Variants in SYNE2 observed in about 807,000 individuals in gnomAD.
SYNE2 encodes spectrin repeat containing nuclear envelope protein 2, also known as nesprin-2.
In SYNE2, 431 loss-of-function variants were observed where a neutral mutation model predicts 856.3. The observed-to-expected ratio is 0.50, with a 90% confidence interval of 0.47 to 0.55. The LOEUF (loss-of-function observed/expected upper bound fraction) is 0.55, where lower values mean the gene tolerates loss of function less well. Ranked by LOEUF, SYNE2 falls within the 20% of genes least tolerant of loss-of-function variation. The probability of loss-of-function intolerance (pLI) is 0.00; values close to 1 mark genes in which losing one functional copy is unlikely to be tolerated. For synonymous variants in SYNE2, 2,923 were observed against 2,872.3 expected, an observed-to-expected ratio of 1.02 and a Z score of -0.56; for missense variants, 8,129 against 8,023.2, an observed-to-expected ratio of 1.01 and a Z score of -0.50.
chr14:64,159,473 A>G (rs763227770), intron 87 of SYNE2, 31 bp downstream of exon 87: 36 of 1,609,864 alleles, frequency 2.2e-5, no homozygotes, highest in South Asian at 1.9e-4. Flanking sequence ...TGAATGATAG[A>G]TATCTTTATC....
At chr14:63,959,847 A>C (rs563637579) in intron 8 of SYNE2, among the ~76,000 whole-genome samples, 1 of 152,048 alleles carries the variant, frequency 6.6e-6, no homozygotes, top group Non-Finnish European at 1.5e-5. Flanking sequence ...TATTATTAGT[A>C]TAAAATATTT....
At position 63,996,937 on chromosome 14, in the gene SYNE2, C is replaced by A. The variant is rs781126209; in HGVS notation, c.2941-10C>A. The stretch of plus-strand genomic sequence containing the variant: ...CAGAAGCACATTTCCTGCTTTATTT[C>A]TTCAATTAGGCCTGCTTTTCTGAGG... On this transcript the variant is annotated splice_polypyrimidine_tract_variant and intron_variant, in intron 23 of 115. Coordinates refer to ENST00000555002, the MANE Select transcript of SYNE2 (RefSeq NM_182914.3). The A allele has an allele frequency of 6.2e-6, 10 of 1,613,334 alleles. No individual in the cohort carries two copies. The highest frequency in any genetic ancestry group is 2.2e-5 in the South Asian group (2 of 91,004).
At chr14:64,170,854 A>G (rs895333889) in intron 94 of SYNE2, among the ~76,000 whole-genome samples, 1 of 152,200 alleles carries the variant, frequency 6.6e-6, no homozygotes, top group Non-Finnish European at 1.5e-5. Context: ...GGCAAATTCA[A>G]TGGGTACAAA....
At chr14:63,987,188 G>A (rs576205569) in intron 19 of SYNE2, among the ~76,000 whole-genome samples, 5 of 152,018 alleles carry the variant, frequency 3.3e-5, no homozygotes, top group South Asian at 4.1e-4. Context: ...CCCAGGAGGC[G>A]GAGGTTGCAG....
At chr14:64,042,230 A>G (rs2097154416) in intron 45 of SYNE2, among the ~76,000 whole-genome samples, 2 of 152,358 alleles carry the variant, frequency 1.3e-5, no homozygotes, top group South Asian at 4.1e-4. Flanking sequence ...ATGACATGAT[A>G]CATCCATGAT....
In SYNE2 at chr14:64,009,346, G is replaced by T. The variant is rs193153552; in HGVS notation, c.4578-620G>T. On this transcript the variant is annotated intron_variant, in intron 31 of 115. Transcript: ENST00000555002. ...AGGTCAGGAGTTCACGACCAGCCCG[G>T]CCAACATGATGAAACCCCTTCTCTA... is the stretch of plus-strand genomic sequence containing the variant. 1.6e-4 allele frequency among the ~76,000 whole-genome samples: 25 copies of T among 152,126 alleles called. No individual in the cohort carries two copies. In the East Asian group the frequency reaches 4.8e-3, roughly 30 times the overall value.
At chr14:63,851,793 AAAGTT>A (rs1406671947), upstream of SYNE2, among the ~76,000 whole-genome samples, 1 of 151,806 alleles carries the variant, frequency 6.6e-6, no homozygotes, top group Non-Finnish European at 1.5e-5. Context: ...AGTTTTAAGA[AAAGTT>A]AAGGCCGGTT....
At chr14:64,156,912 G>A (rs1464802279) in intron 85 of SYNE2, among the ~76,000 whole-genome samples, 2 of 152,204 alleles carry the variant, frequency 1.3e-5, no homozygotes, top group Non-Finnish European at 2.9e-5. Flanking sequence ...GGCAGAGATT[G>A]AGGAGCCTCC....
intron 1 of SYNE2, among the ~76,000 whole-genome samples, chr14:63,791,110 A>G (rs891201166): frequency 4.6e-5 from 7 of 152,108 alleles, no homozygotes; most frequent in African/African-American, 1.7e-4. Flanking sequence ...AATGCCTGCC[A>G]CCACACCCAG....
chr14:64,143,732 C>G lies in SYNE2; in HGVS notation c.15307-40C>G, dbSNP rs907815067. On this transcript the variant is annotated intron_variant, in intron 82 of 115. Coordinates refer to ENST00000555002, the MANE Select transcript of SYNE2 (RefSeq NM_182914.3). ...AGGGAAATCCATTTGATCTGACCAA[C>G]ATTCATGACTGCTTTGGTGTTTAAC... 1.9e-6 allele frequency: 3 copies of G among 1,609,020 alleles called. No individual in the cohort carries two copies. The East Asian group carries it at 6.7e-5, about 36-fold the overall frequency.
chr14:64,142,169 A>G, intron 82 of SYNE2, 81 bp downstream of exon 82: 1 of 1,523,964 alleles, frequency 6.6e-7, no homozygotes, highest in South Asian at 1.2e-5. Flanking sequence ...AAAGGGACAC[A>G]TAGGATATAA....
chr14:63,921,699 T>C (rs967030792), intron 2 of SYNE2, among the ~76,000 whole-genome samples: 1 of 152,214 alleles, frequency 6.6e-6, no homozygotes, highest in Admixed American at 6.5e-5. Context: ...GCCCGAAATA[T>C]ATAAGTGGCC....
chr14:64,090,158 C>A (rs2097597546), intron 59 of SYNE2, among the ~76,000 whole-genome samples: 1 of 152,120 alleles, frequency 6.6e-6, no homozygotes, highest in African/African-American at 2.4e-5. Context: ...TGATTGAGAG[C>A]ATGTGGTTTA....
intron 110 of SYNE2, among the ~76,000 whole-genome samples, chr14:64,219,632 G>T (rs1171738943): frequency 6.6e-6 from 1 of 152,190 alleles, no homozygotes; most frequent in Non-Finnish European, 1.5e-5. Flanking sequence ...TGATCCCAGA[G>T]TACTGGGGAG....
chr14:64,196,734 A>G (rs2098542310), intron 99 of SYNE2: 1 of 152,250 alleles, frequency 6.6e-6, no homozygotes, highest in African/African-American at 2.4e-5. Context: ...AATAACCCAT[A>G]GCCAAGATAA....
chr14:63,767,811 A>C (rs573401018), intron 1 of SYNE2, among the ~76,000 whole-genome samples: 1 of 152,312 alleles, frequency 6.6e-6, no homozygotes, highest in Admixed American at 6.5e-5. Context: ...CCACTATTTG[A>C]ATTAATAAAA....
chr14:64,010,332 G>T (rs957067636), intron 32 of SYNE2, among the ~76,000 whole-genome samples: 1 of 152,158 alleles, frequency 6.6e-6, no homozygotes, highest in African/African-American at 2.4e-5. Flanking sequence ...TTCTGTTTGG[G>T]TTTTGATGCT....
chr14:64,164,130 T>A (rs929307793), intron 89 of SYNE2, among the ~76,000 whole-genome samples: 6 of 109,102 alleles, frequency 5.5e-5, no homozygotes, highest in Admixed American at 5.3e-4. Context: ...TTATTTATTT[T>A]GAGATGTCTC....
At chr14:63,984,421 T>C (rs1158094548) in intron 18 of SYNE2, among the ~76,000 whole-genome samples, 2 of 152,226 alleles carry the variant, frequency 1.3e-5, no homozygotes, top group African/African-American at 4.8e-5. Context: ...AGAGCAGTCC[T>C]GATTCTGAGC....
Sources: allele counts gnomAD v4.1 joint callset (sites outside exome capture counted in the v4.1 genomes callset), GRCh38; gene constraint gnomAD v4.1.1; transcripts MANE v1.5; gene names NCBI Gene and HGNC (gene_info 2026-07-23, HGNC 2026-07-21).